Variants in MACROD2 observed in about 807,000 individuals in gnomAD.
MACROD2 encodes the protein ADP-ribose glycohydrolase MACROD2.
A neutral mutation model predicts 70.4 loss-of-function variants in MACROD2; 36 were observed. That is an observed-to-expected ratio of 0.51 (90% CI 0.39 to 0.68). The LOEUF is 0.68. MACROD2 is among the 30% of genes least tolerant of loss of function. The pLI is 0.00. For missense variants in MACROD2, 496 were observed against 538.4 expected (o/e 0.92, Z 0.78); for synonymous variants, 172 against 178.8 (o/e 0.96, Z 0.30).
At chr20:14,175,459 G>A (rs1204897347) in intron 3 of MACROD2, among the ~76,000 whole-genome samples, 5 of 152,144 alleles carry the variant, frequency 3.3e-5, no homozygotes, top group Non-Finnish European at 7.4e-5. Flanking sequence ...GGGAGGGAAA[G>A]TGTTCTGTGA....
intron 9 of MACROD2, among the ~76,000 whole-genome samples, chr20:15,880,194 A>G (rs552859802): frequency 6.6e-6 from 1 of 152,172 alleles, no homozygotes; most frequent in South Asian, 2.1e-4. Flanking sequence ...CATAAAATTA[A>G]CCATCACTCC....
At chr20:15,670,350 C>G (rs1023715669) in intron 8 of MACROD2, among the ~76,000 whole-genome samples, 10 of 152,116 alleles carry the variant, frequency 6.6e-5, no homozygotes, top group African/African-American at 2.4e-4. Flanking sequence ...GAAACAGAGC[C>G]CTATCCTGTT....
intron 8 of MACROD2, among the ~76,000 whole-genome samples, chr20:15,612,494 C>A (rs2048983499): frequency 6.6e-6 from 1 of 152,206 alleles, no homozygotes; most frequent in Non-Finnish European, 1.5e-5. Flanking sequence ...CTAGAAATTT[C>A]TTTTGCAATG....
chr20:15,586,070 T>A (rs1224388442), intron 8 of MACROD2, among the ~76,000 whole-genome samples: 1 of 152,202 alleles, frequency 6.6e-6, no homozygotes, highest in African/African-American at 2.4e-5. Context: ...CATATGGTTG[T>A]TAATTGAATG....
At chr20:14,486,878 A>G (rs1458872592) in intron 3 of MACROD2, among the ~76,000 whole-genome samples, 8 of 152,198 alleles carry the variant, frequency 5.3e-5, no homozygotes. Context: ...CATAGATAAT[A>G]TGCAAAATAT....
chr20:15,749,861 A>G (rs2051241568), intron 8 of MACROD2, among the ~76,000 whole-genome samples: 1 of 152,104 alleles, frequency 6.6e-6, no homozygotes, highest in African/African-American at 2.4e-5. Context: ...AGCTCAAATG[A>G]TTAAAGGCTT....
At chr20:14,420,452 G>A (rs1850571303) in intron 3 of MACROD2, among the ~76,000 whole-genome samples, 1 of 151,948 alleles carries the variant, frequency 6.6e-6, no homozygotes, top group African/African-American at 2.4e-5. Context: ...ATTTTTATTT[G>A]CATTTCACTG....
intron 5 of MACROD2, among the ~76,000 whole-genome samples, chr20:14,710,382 A>G (rs563403089): frequency 7.9e-5 from 12 of 152,218 alleles, no homozygotes; most frequent in Non-Finnish European, 1.6e-4. Flanking sequence ...TTTTCAAAAA[A>G]TGAAGTTTAG....
intron 14 of MACROD2, 86 bp downstream of exon 14, chr20:15,986,887 T>A: frequency 1.0e-6 from 1 of 977,470 alleles, no homozygotes. Flanking sequence ...GTGTGCGTGG[T>A]GTGTGTGTGT....
chr20:15,040,054 AG>A (rs1341287921), intron 5 of MACROD2, among the ~76,000 whole-genome samples: 3 of 152,110 alleles, frequency 2.0e-5, no homozygotes, highest in Non-Finnish European at 4.4e-5. Context: ...TTCATATATG[AG>A]GGGAAAAGCA....
intron 5 of MACROD2, among the ~76,000 whole-genome samples, chr20:14,720,654 A>G (rs1323908793): frequency 7.0e-6 from 1 of 141,942 alleles, no homozygotes; most frequent in African/African-American, 2.6e-5. Context: ...CCCTGGTTCA[A>G]GTGATTCTCC....
chr20:14,337,907 TAGAA>T (rs1334318860), intron 3 of MACROD2, among the ~76,000 whole-genome samples: 2 of 152,162 alleles, frequency 1.3e-5, no homozygotes, highest in African/African-American at 2.4e-5. Context: ...AAAAGCATGT[TAGAA>T]AGATATTTTT....
intron 4 of MACROD2, among the ~76,000 whole-genome samples, chr20:14,625,588 C>A: frequency 6.6e-6 from 1 of 152,154 alleles, no homozygotes; most frequent in East Asian, 1.9e-4. Flanking sequence ...ATGAATGGGC[C>A]ATATGGCATG....
In MACROD2 at chr20:15,890,685, AG is replaced by A. The variant is rs548381641; in HGVS notation, c.775+4875del. ...ACAGAAAACCTAGCCTAGTGCCCAA[AG>A]CTTTGCAGTTTATAATGCCAAAGTT... On this transcript the variant is annotated intron_variant, in intron 10 of 17. Coordinates refer to ENST00000684519, the MANE Select transcript of MACROD2 (RefSeq NM_001351661.2). Among the ~76,000 whole-genome samples, 243 of 152,312 alleles carry A rather than the reference AG, an allele frequency of 1.6e-3. 1 individual carries two copies. Among genetic ancestry groups the A allele is most frequent in the African/African-American group, 5.6e-3 (233 of 41,570 alleles).
intron 3 of MACROD2, among the ~76,000 whole-genome samples, chr20:14,341,599 A>G (rs528711801): frequency 2.0e-5 from 3 of 152,326 alleles, no homozygotes; most frequent in East Asian, 3.9e-4. Context: ...AGATTGTACC[A>G]TGCACTCCAG....
At chr20:14,588,710 C>A (rs968281002) in intron 4 of MACROD2, among the ~76,000 whole-genome samples, 1 of 152,128 alleles carries the variant, frequency 6.6e-6, no homozygotes, top group African/African-American at 2.4e-5. Flanking sequence ...GATACACCTG[C>A]CTCGGCCTCC....
intron 7 of MACROD2, among the ~76,000 whole-genome samples, chr20:15,453,246 A>G (rs1038940869): frequency 6.6e-6 from 1 of 152,094 alleles, no homozygotes; most frequent in Non-Finnish European, 1.5e-5. Context: ...AGAAAGATAC[A>G]TAATAACTTT....
intron 15 of MACROD2, among the ~76,000 whole-genome samples, chr20:16,040,309 C>G (rs940253008): frequency 6.6e-6 from 1 of 151,746 alleles, no homozygotes; most frequent in Non-Finnish European, 1.5e-5. Context: ...TTTTTCTCAT[C>G]AATAGGCACA....
At chr20:14,263,657 A>C (rs1325296096) in intron 3 of MACROD2, among the ~76,000 whole-genome samples, 2 of 152,084 alleles carry the variant, frequency 1.3e-5, no homozygotes, top group African/African-American at 4.8e-5. Flanking sequence ...TGAGAGAGGA[A>C]AGAAAATAAG....
Sources: allele counts gnomAD v4.1 joint callset (sites outside exome capture counted in the v4.1 genomes callset), GRCh38; gene constraint gnomAD v4.1.1; transcripts MANE v1.5; gene names NCBI Gene and HGNC (gene_info 2026-07-23, HGNC 2026-07-21).